The following BSN variants were observed in gnomAD, a reference collection of about 807,000 sequenced individuals.
BSN encodes the protein bassoon presynaptic cytomatrix protein.
A neutral mutation model predicts 264.8 loss-of-function variants in BSN; 57 were observed. The observed-to-expected ratio is 0.22, with a 90% confidence interval of 0.17 to 0.27. The LOEUF is 0.27. BSN is among the 10% of genes least tolerant of loss of function. BSN has a pLI of 1.00. For synonymous variants in BSN, 2,059 were observed against 2,137.3 expected (o/e 0.96, Z 1.01); for missense variants, 4,615 against 5,232.5 (o/e 0.88, Z 3.64).
At chr3:49,624,445 T>A (rs1242506395) in intron 1 of BSN, among the ~76,000 whole-genome samples, 1 of 151,950 alleles carries the variant, frequency 6.6e-6, no homozygotes, top group Non-Finnish European at 1.5e-5. Flanking sequence ...TTTACAGGTG[T>A]GCGCCACCAA....
In BSN at chr3:49,660,358, T is replaced by C; in HGVS notation, c.8641-128T>C. The C allele has an allele frequency of 2.7e-6, 4 of 1,488,630 alleles. No individual in the cohort carries two copies. Among genetic ancestry groups the C allele is most frequent in the Non-Finnish European group, 3.6e-6 (4 of 1,120,614 alleles). 92.2% of individuals were successfully genotyped at this position (1,488,630 alleles called of 1,614,324 possible). A position where few individuals can be genotyped will look rare whatever the true frequency, so the allele number is the denominator to read the frequency against. ...CAGGGTAGGCCTCCAGGCTGCCTGG[T>C]AAATCAGGGCACCAGCAAGATGGAA... On this transcript the variant is annotated intron_variant, in intron 5 of 11. Transcript: ENST00000296452. The surrounding 1 kb of genome is among the most constrained non-coding windows in gnomAD (Gnocchi z 7.1).
chr3:49,581,868 A>G (rs1215800204), intron 1 of BSN, among the ~76,000 whole-genome samples: 1 of 152,100 alleles, frequency 6.6e-6, no homozygotes. Context: ...AACTTTGTGT[A>G]TATAGGCATC....
intron 1 of BSN, among the ~76,000 whole-genome samples, chr3:49,590,087 C>T (rs537736659): frequency 1.3e-5 from 2 of 151,896 alleles, no homozygotes; most frequent in African/African-American, 2.4e-5. Context: ...CTGCCCGCCT[C>T]GGCCTCCTAA....
intron 3 of BSN, among the ~76,000 whole-genome samples, chr3:49,645,453 C>G (rs957512095): frequency 1.1e-4 from 17 of 152,174 alleles, no homozygotes; most frequent in African/African-American, 3.9e-4. Flanking sequence ...TGCACCTGCT[C>G]CATGGACCAA....
At position 49,638,355 on chromosome 3, in the gene BSN, G is replaced by A. The variant is rs958748183; in HGVS notation, c.634-3913G>A. ...CAGCCATCATCTCTCTCCCTACCCC[G>A]TGGACAGCCTCCATCCCCCTGAGTG... On this transcript the variant is annotated intron_variant, in intron 2 of 11. Coordinates refer to ENST00000296452, the MANE Select transcript of BSN (RefSeq NM_003458.4). The surrounding 1 kb of genome is among the most constrained non-coding windows in gnomAD (Gnocchi z 4.3). Among the ~76,000 whole-genome samples the A allele has an allele frequency of 1.3e-5, 2 of 152,190 alleles. No individual in the cohort carries two copies. The highest frequency in any genetic ancestry group is 2.4e-5 in the African/African-American group (1 of 41,458).
At chr3:49,613,298 C>CAGAGAGAGAGAGAGAGAGAG (rs1458190477) in intron 1 of BSN, among the ~76,000 whole-genome samples, 6 of 25,682 alleles carry the variant, frequency 2.3e-4, no homozygotes, top group Non-Finnish European at 4.5e-4. Flanking sequence ...TATACACACA[C>CAGAGAGAGAGAGAGAGAGAG]AGAGCGAGAG....
rs1484730051 is a variant in BSN at position 49,625,965 on chromosome 3, C to T, written c.633+582C>T. ...GCTACCCCATCCCTAAAGAAATGAC[C>T]TTGGGGTAAAGAACCAGGCTGGGAA... is the stretch of plus-strand genomic sequence containing the variant. On this transcript the variant is annotated intron_variant, in intron 2 of 11. Transcript: ENST00000296452. The surrounding 1 kb of genome is among the most constrained non-coding windows in gnomAD (Gnocchi z 4.4). Among the ~76,000 whole-genome samples, 1 of 152,158 alleles carries T rather than the reference C, an allele frequency of 6.6e-6. No individual in the cohort carries two copies. The highest frequency in any genetic ancestry group is 2.4e-5 in the African/African-American group (1 of 41,428).
intron 2 of BSN, among the ~76,000 whole-genome samples, chr3:49,631,345 C>G (rs550608453): frequency 1.6e-4 from 24 of 152,038 alleles, no homozygotes; most frequent in Admixed American, 1.6e-3. Context: ...CACTTGAGCC[C>G]AGGAGTTCAA....
intron 1 of BSN, among the ~76,000 whole-genome samples, chr3:49,618,456 ATCT>A (rs1351554135): frequency 3.9e-5 from 6 of 152,176 alleles, no homozygotes; most frequent in African/African-American, 9.6e-5. Flanking sequence ...CTACCTCATC[ATCT>A]TCTTCTCCTT....
rs2052577432 is a variant in BSN at position 49,654,530 on chromosome 3, C to T, written c.4974C>T (p.Pro1658=). The part of the protein sequence containing the change: ...VPGTSRVEPG[P]RTPGTAVVDL... ...GGACGTCTAGGGTTGAGCCAGGCCCCAGGACCCCTGGCACTGCAGTGGTAG... is the reference window on the plus strand; with the variant it reads ...GGACGTCTAGGGTTGAGCCAGGCCCTAGGACCCCTGGCACTGCAGTGGTAG... Residue 1658 remains proline (P), a synonymous_variant, in exon 5 of 12, where the codon CCC becomes CCT. Coordinates refer to ENST00000296452, the MANE Select transcript of BSN (RefSeq NM_003458.4). This position sits in a 1 kb window ranked among gnomAD's most constrained non-coding sequence, Gnocchi z 4.1. 1.2e-6 allele frequency: 2 copies of T among 1,610,968 alleles called. No homozygotes were observed. Among genetic ancestry groups the T allele is most frequent in the Non-Finnish European group, 1.7e-6 (2 of 1,178,520 alleles).
At chr3:49,557,245 A>G (rs1376425575) in intron 1 of BSN, among the ~76,000 whole-genome samples, 4 of 152,162 alleles carry the variant, frequency 2.6e-5, no homozygotes, top group African/African-American at 9.7e-5. Context: ...TGCCTTTTCC[A>G]AGGAGTGCTG....
rs200858393 is a variant in BSN at position 49,654,235 on chromosome 3, C to T, written c.4679C>T (p.Thr1560Met). ...CAAGAGGCTCCCTTTATGGTCATCA[C>T]GCTGGCATCTGACGCCTCCAGCCAG... is the stretch of plus-strand genomic sequence containing the variant. The part of the protein sequence containing the change: ...SSQEAPFMVI[T>M]LASDASSQTR... The change falls in exon 5 of 12, where the codon ACG becomes ATG. Residue 1560 changes from threonine (T) to methionine (M), a missense_variant. This residue lies in a region of BSN where 3,415 missense variants were observed against 3,866.4 expected (regional missense o/e 0.88). Coordinates refer to ENST00000296452, the MANE Select transcript of BSN (RefSeq NM_003458.4). The surrounding 1 kb of genome is among the most constrained non-coding windows in gnomAD (Gnocchi z 4.1). 3.8e-5 allele frequency: 61 copies of T among 1,613,210 alleles called. No individual in the cohort carries two copies. The highest frequency in any genetic ancestry group is 2.7e-5 in the African/African-American group (2 of 74,912).
chr3:49,624,825 G>T, intron 1 of BSN, 150 bp from the exon 2 acceptor site: 1 of 703,030 alleles, frequency 1.4e-6, no homozygotes, highest in Non-Finnish European at 2.3e-6. Flanking sequence ...GCTCAGCACA[G>T]GACACAGCAA....
chr3:49,617,164 C>A (rs2052265047), intron 1 of BSN, among the ~76,000 whole-genome samples: 2 of 152,040 alleles, frequency 1.3e-5, no homozygotes, highest in South Asian at 4.1e-4. Context: ...GGGCTTAAAA[C>A]CTAGATGACG....
intron 1 of BSN, among the ~76,000 whole-genome samples, chr3:49,598,070 G>A (rs551461355): frequency 1.9e-4 from 29 of 152,130 alleles, no homozygotes; most frequent in African/African-American, 6.7e-4. Flanking sequence ...ATTTTCTTTG[G>A]TTCTTTGAAC....
chr3:49,575,530 ATG>A (rs2051838804), intron 1 of BSN, among the ~76,000 whole-genome samples: 1 of 147,552 alleles, frequency 6.8e-6, no homozygotes, highest in Non-Finnish European at 1.5e-5. Context: ...GTGTGTATAT[ATG>A]TAAATATATG....
intron 1 of BSN, among the ~76,000 whole-genome samples, chr3:49,578,413 T>TG (rs1553658775): frequency 6.6e-6 from 1 of 151,176 alleles, no homozygotes; most frequent in African/African-American, 2.4e-5. Context: ...AGCTACAGTT[T>TG]TTTTTTTTTT....
chr3:49,602,276 C>T (rs953928064), intron 1 of BSN, among the ~76,000 whole-genome samples: 5 of 152,194 alleles, frequency 3.3e-5, no homozygotes, highest in Non-Finnish European at 5.9e-5. Flanking sequence ...CAGGACAACT[C>T]ATTCTGACTG....
intron 1 of BSN, among the ~76,000 whole-genome samples, chr3:49,584,208 T>C (rs182901641): frequency 5.5e-4 from 83 of 152,198 alleles, no homozygotes; most frequent in Admixed American, 2.0e-3. Context: ...TATTTAAGAT[T>C]GGTAGTAACA....
Sources: allele counts gnomAD v4.1 joint callset (sites outside exome capture counted in the v4.1 genomes callset), GRCh38; gene constraint gnomAD v4.1.1; regional missense constraint gnomAD v4.1.1; non-coding constraint Gnocchi (gnomAD v3.1); transcripts MANE v1.5; gene names NCBI Gene and HGNC (gene_info 2026-07-23, HGNC 2026-07-21).